The following KANSL1 variants were observed in gnomAD, a reference collection of about 807,000 sequenced individuals.
The protein encoded by KANSL1 is KAT8 regulatory NSL complex subunit 1, also known as MLL1/MLL complex subunit KANSL1.
Under a neutral mutation model 103.6 loss-of-function variants are expected in KANSL1, and 22 were observed. The ratio of observed to expected loss-of-function variants is 0.21; its 90% CI spans 0.15 to 0.30. The LOEUF is 0.30. Ranked by LOEUF, KANSL1 falls within the 10% of genes least tolerant of loss-of-function variation. The pLI, the probability that KANSL1 is intolerant of heterozygous loss-of-function variation, is 1.00. For synonymous variants in KANSL1, 600 were observed against 527.6 expected (o/e 1.14, Z -1.88); for missense variants, 1,337 against 1,399.8 (o/e 0.96, Z 0.72).
chr17:46,105,890 C>T (rs2042519722), intron 2 of KANSL1, among the ~76,000 whole-genome samples: 1 of 119,442 alleles, frequency 8.4e-6, no homozygotes, highest in Non-Finnish European at 2.0e-5. Context: ...CACACACACA[C>T]ACAGAGCAAG....
intron 2 of KANSL1, among the ~76,000 whole-genome samples, chr17:46,167,613 A>G (rs2046070800): frequency 6.6e-6 from 1 of 152,206 alleles, no homozygotes; most frequent in Non-Finnish European, 1.5e-5. Flanking sequence ...AAATTTTCCA[A>G]GAAGAGTTTA....
chr17:46,152,945 A>C (rs552887343), intron 2 of KANSL1: 1 of 152,326 alleles, frequency 6.6e-6, no homozygotes, highest in Non-Finnish European at 1.5e-5. Flanking sequence ...TTCTTTCTTT[A>C]TTCTTGGCTG....
intron 3 of KANSL1, 141 bp downstream of exon 3, chr17:46,094,419 C>T: frequency 9.6e-7 from 1 of 1,045,496 alleles, no homozygotes; most frequent in Non-Finnish European, 1.4e-6. Flanking sequence ...TAAATTAAAC[C>T]ACTATATCAG....
In KANSL1 at chr17:46,031,490, G is replaced by A. The variant is rs2077004171; in HGVS notation, c.3304C>T (p.Pro1102Ser). The A allele has an allele frequency of 6.2e-7, 1 of 1,610,694 alleles. No homozygotes were observed. Among genetic ancestry groups the A allele is most frequent in the Admixed American group, 1.7e-5 (1 of 59,792 alleles). ...CTGTCTCCCGCTCATCTGTGAGTCGGGCGCTGAGCTGTGGCTGCTGCCACC... is the reference window on the plus strand; with the variant it reads ...CTGTCTCCCGCTCATCTGTGAGTCGAGCGCTGAGCTGTGGCTGCTGCCACC... ...HLVAAATAQR[P>S]THR is the part of the protein sequence containing the mutation. Residue 1102 changes from proline to serine, a missense_variant, in exon 15 of 15, where the codon CCG (proline) becomes TCG (serine). Pro to Ser is a moderately conservative substitution (Grantham distance 74). Around this residue, in one of 2 missense-constraint regions of KANSL1, gnomAD observed 780 missense variants for 923.4 expected, o/e 0.84. Coordinates refer to ENST00000432791, the MANE Select transcript of KANSL1 (RefSeq NM_015443.4).
At chr17:46,073,248 TCTTCA>T (rs1222388834) in intron 4 of KANSL1, among the ~76,000 whole-genome samples, 1 of 152,222 alleles carries the variant, frequency 6.6e-6, no homozygotes, top group African/African-American at 2.4e-5. Context: ...AAGCATTAGC[TCTTCA>T]CTTAATAGTA....
rs997575440 is a variant in KANSL1, at chr17:46,200,698, C to T, written c.-90+22973G>A. ...CGGAGCTTGCAGCGAGCGGAGATCA[C>T]GCCAGTGCACTCCAGCCTGGGCGAC... On this transcript the variant is annotated intron_variant, in intron 1 of 14. Transcript: ENST00000572904. 2.0e-5 allele frequency among the ~76,000 whole-genome samples: 3 copies of T among 152,096 alleles called. 1 individual carries two copies. The highest frequency in any genetic ancestry group is 6.5e-5 in the Admixed American group (1 of 15,284).
chr17:46,193,509 G>A (rs2047471204), upstream of KANSL1: 1 of 148,324 alleles, frequency 6.7e-6, no homozygotes, highest in African/African-American at 2.4e-5. Flanking sequence ...CGGCTGCGGC[G>A]GCGAAGGGCC....
intron 1 of KANSL1, among the ~76,000 whole-genome samples, chr17:46,210,342 G>A (rs533390925): frequency 5.9e-5 from 9 of 152,044 alleles, no homozygotes; most frequent in Middle Eastern, 3.4e-3. Flanking sequence ...GTGTGGTGGT[G>A]AGCACCTGTA....
intron 2 of KANSL1, among the ~76,000 whole-genome samples, chr17:46,098,524 T>TA (rs2042175084): frequency 6.6e-6 from 1 of 152,242 alleles, no homozygotes; most frequent in South Asian, 2.1e-4. Context: ...CTTTGATAAA[T>TA]ACACTTTTTC....
In KANSL1 at chr17:46,171,468, T is replaced by C. The variant is rs562960276; in HGVS notation, c.676A>G (p.Asn226Asp). ...ACAGAGGATTTGTTTGCAGTGCTAT[T>C]ATTGCTATACAAAGTTGTGTGTTCT... ...DVEHTTLYSN[N>D]STANKSSVNS... Residue 226 changes from asparagine (N) to aspartate (D), a missense_variant, in exon 2 of 15, where the codon AAT becomes GAT. Coordinates refer to ENST00000432791, the MANE Select transcript of KANSL1 (RefSeq NM_015443.4). 2 of 1,614,168 alleles carry C rather than the reference T, an allele frequency of 1.2e-6. No individual in the cohort carries two copies. Among genetic ancestry groups the C allele is most frequent in the South Asian group, 1.1e-5 (1 of 91,084 alleles).
intron 2 of KANSL1, among the ~76,000 whole-genome samples, chr17:46,110,887 A>G (rs866812945): frequency 4.6e-5 from 7 of 152,364 alleles, no homozygotes; most frequent in Middle Eastern, 3.4e-3. Flanking sequence ...TGTCCTAGAT[A>G]CAAAGCAGTA....
chr17:46,078,975 A>G (rs969859954), intron 4 of KANSL1, among the ~76,000 whole-genome samples: 3 of 152,158 alleles, frequency 2.0e-5, no homozygotes, highest in Non-Finnish European at 4.4e-5. Flanking sequence ...TCTCTCCCTC[A>G]GCTAGCCTTA....
At chr17:46,205,344 T>G (rs192759485) in intron 1 of KANSL1, among the ~76,000 whole-genome samples, 6 of 151,996 alleles carry the variant, frequency 3.9e-5, no homozygotes, top group Admixed American at 1.3e-4. Flanking sequence ...ACATGAAAAG[T>G]TTTTAAAAAT....
chr17:46,204,508 T>A lies in KANSL1; in HGVS notation c.-90+19163A>T. On this transcript the variant is annotated intron_variant, in intron 1 of 14. Transcript: ENST00000572904. The stretch of plus-strand genomic sequence containing the variant: ...ATCTTTAATTATTATCTTCATTCAG[T>A]AATTAGGCAATTAGAATTTACAATT... Among the ~76,000 whole-genome samples the A allele has an allele frequency of 1.3e-5, 2 of 152,232 alleles. 1 individual carries two copies. Among genetic ancestry groups the A allele is most frequent in the East Asian group, 3.9e-4 (2 of 5,194 alleles).
chr17:46,138,330 T>TAC (rs2044255700), intron 2 of KANSL1, among the ~76,000 whole-genome samples: 1 of 152,252 alleles, frequency 6.6e-6, no homozygotes, highest in Non-Finnish European at 1.5e-5. Context: ...ACAATGTCTG[T>TAC]ACTGAATATG....
At chr17:46,181,082 A>G (rs2046767504) in intron 1 of KANSL1, among the ~76,000 whole-genome samples, 1 of 152,234 alleles carries the variant, frequency 6.6e-6, no homozygotes, top group South Asian at 2.1e-4. Flanking sequence ...TCAACCAGAA[A>G]ATAATAGTCA....
chr17:46,118,348 C>A (rs2043134489), intron 2 of KANSL1, among the ~76,000 whole-genome samples: 1 of 152,240 alleles, frequency 6.6e-6, no homozygotes, highest in Non-Finnish European at 1.5e-5. Flanking sequence ...ATTAGCTAAA[C>A]AGTAGCCAAT....
At chr17:46,078,107 T>C (rs552475897) in intron 4 of KANSL1, among the ~76,000 whole-genome samples, 2 of 152,316 alleles carry the variant, frequency 1.3e-5, no homozygotes, top group East Asian at 3.9e-4. Flanking sequence ...TACTACTACC[T>C]GGTTACCTTC....
intron 2 of KANSL1, among the ~76,000 whole-genome samples, chr17:46,162,408 C>A (rs145575334): frequency 1.6e-3 from 238 of 152,298 alleles, no homozygotes; most frequent in African/African-American, 5.5e-3. Context: ...TAATCGGGGG[C>A]TCTACAAAGG....
Sources: allele counts gnomAD v4.1 joint callset (sites outside exome capture counted in the v4.1 genomes callset), GRCh38; gene constraint gnomAD v4.1.1; regional missense constraint gnomAD v4.1.1; transcripts MANE v1.5; gene names NCBI Gene and HGNC (gene_info 2026-07-23, HGNC 2026-07-21).